Variants in LRRIQ1 observed in about 807,000 individuals in gnomAD.
The protein encoded by LRRIQ1 is leucine rich repeats and IQ motif containing 1.
Under a neutral mutation model 211.9 loss-of-function variants are expected in LRRIQ1, and 210 were observed. That is an observed-to-expected ratio of 0.99 (90% CI 0.89 to 1.11). The LOEUF (loss-of-function observed/expected upper bound fraction) is 1.11. Ranked by LOEUF, LRRIQ1 falls within the 50% of genes most tolerant of loss-of-function variation. The pLI is 0.00. For missense variants in LRRIQ1, 2,136 were observed against 1,939.5 expected (o/e 1.10, Z -1.90); for synonymous variants, 699 against 650.1 (o/e 1.08, Z -1.14).
At chr12:85,250,966 AT>A in intron 1 of LRRIQ1, among the ~76,000 whole-genome samples, 4 of 116,562 alleles carry the variant, frequency 3.4e-5, no homozygotes, top group Non-Finnish European at 5.0e-5. Context: ...TATATATTAT[AT>A]TATATATATT....
chr12:85,128,794 A>G (rs1565855204), intron 18 of LRRIQ1, among the ~76,000 whole-genome samples: 1 of 152,218 alleles, frequency 6.6e-6, no homozygotes, highest in Non-Finnish European at 1.5e-5. Flanking sequence ...ACTTGACTCA[A>G]TCTCACCAAG....
At chr12:85,062,505 C>G (rs1280813555) in intron 8 of LRRIQ1, among the ~76,000 whole-genome samples, 1 of 151,376 alleles carries the variant, frequency 6.6e-6, no homozygotes, top group Non-Finnish European at 1.5e-5. Context: ...CCACTTGCAA[C>G]CATGTTGCTG....
intron 24 of LRRIQ1, among the ~76,000 whole-genome samples, chr12:85,222,257 A>G (rs1894439153): frequency 6.6e-6 from 1 of 152,188 alleles, no homozygotes; most frequent in South Asian, 2.1e-4. Flanking sequence ...GAAGCATTTG[A>G]ATGGATATCA....
intron 10 of LRRIQ1, among the ~76,000 whole-genome samples, chr12:85,068,551 A>G (rs1436036675): frequency 6.6e-6 from 1 of 151,790 alleles, no homozygotes; most frequent in Non-Finnish European, 1.5e-5. Flanking sequence ...ATGTAATTCC[A>G]TTCCTTCATA....
At chr12:85,177,880 A>G (rs992250704) in intron 24 of LRRIQ1, among the ~76,000 whole-genome samples, 2 of 152,078 alleles carry the variant, frequency 1.3e-5, no homozygotes, top group Non-Finnish European at 2.9e-5. Flanking sequence ...AGACCAGGGA[A>G]AACATAATAG....
intron 24 of LRRIQ1, among the ~76,000 whole-genome samples, chr12:85,165,847 C>T (rs533223342): frequency 3.4e-4 from 52 of 152,232 alleles, no homozygotes; most frequent in South Asian, 4.1e-4. Flanking sequence ...CCACTGCTGA[C>T]GAGCACCTAG....
intron 24 of LRRIQ1, among the ~76,000 whole-genome samples, chr12:85,212,005 A>G (rs998921498): frequency 7.9e-5 from 12 of 152,108 alleles, no homozygotes; most frequent in African/African-American, 2.4e-4. Context: ...GGTGGTTCAC[A>G]CCTGTAATCC....
intron 24 of LRRIQ1, among the ~76,000 whole-genome samples, chr12:85,200,685 G>T (rs747007882): frequency 1.3e-5 from 2 of 152,140 alleles, no homozygotes; most frequent in Non-Finnish European, 2.9e-5. Flanking sequence ...AGCCTTTTCT[G>T]CATCTATTGA....
chr12:85,271,038 G>A, the LRRIQ1 span, among the ~76,000 whole-genome samples: 1 of 152,190 alleles, frequency 6.6e-6, no homozygotes, highest in Non-Finnish European at 1.5e-5. Flanking sequence ...GAAGACACTC[G>A]TGTTCTAAGT....
intron 26 of LRRIQ1, among the ~76,000 whole-genome samples, chr12:85,242,476 T>C (rs529930921): frequency 6.6e-6 from 1 of 152,028 alleles, no homozygotes; most frequent in Non-Finnish European, 1.5e-5. Context: ...CAAATAATTC[T>C]CCATTTTATA....
rs1565928820 is a variant in LRRIQ1, at chr12:85,250,887, A to AATATATTTTATATATTATATATTAT, written c.121+6000_121+6001insTATATATATTTTATATATTATATAT. Among the ~76,000 whole-genome samples the AATATATTTTATATATTATATATTAT allele has an allele frequency of 6.3e-5, 6 of 94,786 alleles. 1 individual carries two copies. The East Asian group carries it at 2.1e-3, about 33-fold the overall frequency. The allele number at this position is 94,786 out of a possible 152,430, so 62.2% of individuals were successfully genotyped here. A position where few individuals can be genotyped will look rare whatever the true frequency, so the allele number is the denominator to read the frequency against. ...ATAGATTATATATTATATTATATAT[A>AATATATTTTATATATTATATATTAT]ATATATTTTATATATTATATATAAT... is the stretch of plus-strand genomic sequence containing the variant. On this transcript the variant is annotated intron_variant, in intron 1 of 1. Coordinates refer to the LRRIQ1 transcript ENST00000602731.
At chr12:85,053,676 C>A (rs1880602786) in intron 7 of LRRIQ1, among the ~76,000 whole-genome samples, 1 of 152,136 alleles carries the variant, frequency 6.6e-6, no homozygotes, top group Non-Finnish European at 1.5e-5. Flanking sequence ...TAGATTTTCT[C>A]AATCTTTGTT....
intron 18 of LRRIQ1, among the ~76,000 whole-genome samples, chr12:85,133,464 T>C (rs1349049764): frequency 6.6e-6 from 1 of 152,074 alleles, no homozygotes; most frequent in Admixed American, 6.6e-5. Flanking sequence ...GCAAAATAAA[T>C]TGTAATTCTT....
intron 5 of LRRIQ1, among the ~76,000 whole-genome samples, chr12:85,046,668 T>C (rs1322050573): frequency 6.6e-6 from 1 of 152,144 alleles, no homozygotes; most frequent in Non-Finnish European, 1.5e-5. Context: ...ACCCAAAGGA[T>C]TATACATCAT....
At chr12:85,228,758 A>G (rs1416232720) in intron 24 of LRRIQ1, among the ~76,000 whole-genome samples, 1 of 152,200 alleles carries the variant, frequency 6.6e-6, no homozygotes, top group African/African-American at 2.4e-5. Flanking sequence ...TTTCCAAACA[A>G]CTTGCAAATA....
intron 24 of LRRIQ1, among the ~76,000 whole-genome samples, 158 bp downstream of exon 24, chr12:85,160,872 T>C (rs1397494488): frequency 6.6e-6 from 1 of 152,024 alleles, no homozygotes; most frequent in African/African-American, 2.4e-5. Flanking sequence ...CTCTTAAAGC[T>C]GAAGTGCTAA....
At chr12:85,087,448 G>T (rs1884945754) in intron 11 of LRRIQ1, among the ~76,000 whole-genome samples, 1 of 152,014 alleles carries the variant, frequency 6.6e-6, no homozygotes, top group African/African-American at 2.4e-5. Flanking sequence ...TAATCCTTTG[G>T]GTATATACCC....
chr12:85,254,610 A>G (rs1048158559), intron 1 of LRRIQ1, among the ~76,000 whole-genome samples: 1 of 152,068 alleles, frequency 6.6e-6, no homozygotes, highest in African/African-American at 2.4e-5. Context: ...TCATCTCTCC[A>G]CTAATTAACT....
intron 24 of LRRIQ1, among the ~76,000 whole-genome samples, chr12:85,189,952 ATAT>A (rs1279791268): frequency 7.0e-6 from 1 of 142,378 alleles, no homozygotes; most frequent in African/African-American, 2.5e-5. Context: ...ATTGTATTAT[ATAT>A]TAATATGTAA....
Sources: gnomAD v4.1 joint callset for allele counts (sites outside exome capture counted in the v4.1 genomes callset) on GRCh38, gnomAD v4.1.1 for gene constraint, MANE v1.5 for transcripts, NCBI Gene and HGNC (gene_info 2026-07-23, HGNC 2026-07-21) for gene names.